SRGAP2: variants seen among roughly 807,000 people sequenced by gnomAD.
SRGAP2 encodes the protein SLIT-ROBO Rho GTPase activating protein 2, also known as SLIT-ROBO Rho GTPase-activating protein 2.
In SRGAP2, 15 loss-of-function variants were observed where a neutral mutation model predicts 57.2. That is an observed-to-expected ratio of 0.26 (90% CI 0.18 to 0.40). The LOEUF is 0.40. SRGAP2 is among the 10% of genes least tolerant of loss of function. SRGAP2 has a pLI of 1.00. For missense variants in SRGAP2, 520 were observed against 669.6 expected (o/e 0.78, Z 2.47); for synonymous variants, 249 against 248.0 (o/e 1.00, Z -0.04).
At chr1:206,222,693 T>A (rs1667074553) in intron 2 of SRGAP2, among the ~76,000 whole-genome samples, 1 of 150,794 alleles carries the variant, frequency 6.6e-6, no homozygotes, top group African/African-American at 2.4e-5. Context: ...ATGGAGGTAG[T>A]TTTTTGTAAT....
intron 19 of SRGAP2, among the ~76,000 whole-genome samples, chr1:206,451,157 A>T (rs559702218): frequency 6.6e-6 from 1 of 151,602 alleles, no homozygotes; most frequent in Admixed American, 6.6e-5. Context: ...TGGGGTGGGA[A>T]ATAGCAGAGC....
At chr1:206,232,152 G>A (rs1488822703) in intron 2 of SRGAP2, among the ~76,000 whole-genome samples, 15 of 152,060 alleles carry the variant, frequency 9.9e-5, no homozygotes, top group African/African-American at 2.7e-4. Flanking sequence ...CTGTGCTCCC[G>A]GGCTGGGGTG....
intron 3 of SRGAP2, among the ~76,000 whole-genome samples, chr1:206,319,886 G>T (rs1673349732): frequency 6.7e-6 from 1 of 150,200 alleles, no homozygotes; most frequent in African/African-American, 2.5e-5. Flanking sequence ...TCGGCTCACT[G>T]CAACCTCTGC....
At chr1:206,436,472 T>C (rs781838426) in intron 14 of SRGAP2, among the ~76,000 whole-genome samples, 26 of 152,026 alleles carry the variant, frequency 1.7e-4, no homozygotes, top group Non-Finnish European at 3.7e-4. Flanking sequence ...TACCTGAGCC[T>C]CCTGAGTAGC....
intron 4 of SRGAP2, among the ~76,000 whole-genome samples, chr1:206,373,692 G>T (rs868983935): frequency 1.5e-5 from 1 of 67,660 alleles, no homozygotes; most frequent in Non-Finnish European, 2.9e-5. Flanking sequence ...CCGAGATGGC[G>T]CCACTGCACT....
At chr1:206,253,526 C>T (rs1367907523) in intron 2 of SRGAP2, among the ~76,000 whole-genome samples, 1 of 151,500 alleles carries the variant, frequency 6.6e-6, no homozygotes, top group Non-Finnish European at 1.5e-5. Context: ...TTCCTCCCTC[C>T]CTCACTTCCT....
At chr1:206,425,903 A>G (rs1470165630) in intron 13 of SRGAP2, among the ~76,000 whole-genome samples, 1 of 145,216 alleles carries the variant, frequency 6.9e-6, no homozygotes, top group Non-Finnish European at 1.5e-5. Flanking sequence ...CTGGGGTGCA[A>G]TGGTGCAATC....
chr1:206,220,843 C>G (rs1244274909), intron 2 of SRGAP2, among the ~76,000 whole-genome samples: 1 of 152,074 alleles, frequency 6.6e-6, no homozygotes, highest in African/African-American at 2.4e-5. Context: ...TGTCCCCTCC[C>G]CTCCTCACTT....
At chr1:206,244,460 C>T (rs1459402789) in intron 2 of SRGAP2, among the ~76,000 whole-genome samples, 1 of 119,850 alleles carries the variant, frequency 8.3e-6, no homozygotes, top group Non-Finnish European at 1.7e-5. Flanking sequence ...GACGGGGTTT[C>T]ACCAGGTTGG....
At chr1:206,415,861 T>C in intron 10 of SRGAP2, 28 bp from the exon 11 acceptor site, 1 of 769,730 alleles carries the variant, frequency 1.3e-6, no homozygotes, top group Non-Finnish European at 2.4e-6. Flanking sequence ...GGAGTCTGAT[T>C]GCTCTTTTTC....
At chr1:206,365,942 G>T (rs1475327658) in intron 4 of SRGAP2, among the ~76,000 whole-genome samples, 1 of 151,860 alleles carries the variant, frequency 6.6e-6, no homozygotes, top group African/African-American at 2.4e-5. Context: ...CAGACTAGGA[G>T]AAAAAGGACA....
intron 17 of SRGAP2, among the ~76,000 whole-genome samples, chr1:206,442,552 C>T (rs6659598): frequency 0.018 from 2,673 of 152,224 alleles, 78 homozygotes; most frequent in African/African-American, 0.061. Flanking sequence ...AATAAGCATC[C>T]ATGCAGGGTT....
At chr1:206,433,604 C>G (rs1553368985) in intron 14 of SRGAP2, among the ~76,000 whole-genome samples, 1 of 151,186 alleles carries the variant, frequency 6.6e-6, no homozygotes, top group African/African-American at 2.4e-5. Context: ...CCACTGCACT[C>G]CAGCCTGAGT....
chr1:206,304,803 C>CTGAA (rs1240458904), intron 3 of SRGAP2, among the ~76,000 whole-genome samples: 2 of 148,238 alleles, frequency 1.3e-5, no homozygotes, highest in African/African-American at 5.0e-5. Flanking sequence ...GTCACCCAGG[C>CTGAA]TGAAGTACAA....
chr1:206,356,515 T>G (rs1163775140), intron 4 of SRGAP2, among the ~76,000 whole-genome samples: 2 of 152,220 alleles, frequency 1.3e-5, no homozygotes, highest in Non-Finnish European at 2.9e-5. Context: ...TCTGCAGTCA[T>G]ATGTTGCTGT....
intron 2 of SRGAP2, among the ~76,000 whole-genome samples, chr1:206,231,560 CAG>C (rs1176299880): frequency 6.0e-5 from 9 of 149,432 alleles, no homozygotes; most frequent in Admixed American, 6.0e-4. Flanking sequence ...TTTTTTTAGA[CAG>C]AGTCTTGTTC....
rs782652991 is a variant in SRGAP2 at position 206,430,125 on chromosome 1, G to C, written c.1495-37G>C. 3.8e-6 allele frequency: 3 copies of C among 780,418 alleles called. No homozygotes were observed. In the Admixed American group the frequency reaches 5.1e-5, roughly 13 times the overall value. The allele number at this position is 780,418 out of a possible 1,614,324, so 48.3% of individuals were successfully genotyped here. A position where few individuals can be genotyped will look rare whatever the true frequency, so the allele number is the denominator to read the frequency against. On this transcript the variant is annotated intron_variant, in intron 13 of 22. Coordinates refer to ENST00000573034, the MANE Select transcript of SRGAP2 (RefSeq NM_015326.5). ...CTCTGACCCTGGGCTATCCCTGTTT[G>C]AATATTCTAATGTTGTGTTTCCCTT...
At position 206,262,613 on chromosome 1, in the gene SRGAP2, G is replaced by A. The variant is rs1340131287; in HGVS notation, c.68-40668G>A. Among the ~76,000 whole-genome samples the A allele has an allele frequency of 7.7e-4, 115 of 148,860 alleles. 1 individual carries two copies. Among genetic ancestry groups the A allele is most frequent in the Admixed American group, 6.1e-3 (92 of 14,968 alleles). On this transcript the variant is annotated intron_variant, in intron 2 of 22. Coordinates refer to ENST00000573034, the MANE Select transcript of SRGAP2 (RefSeq NM_015326.5). ...GTTATCTCACTGTAAGAGACTGACT[G>A]GTGGAGATTAAAAAAAAAAAAAGCT... is the stretch of plus-strand genomic sequence containing the variant.
intron 2 of SRGAP2, among the ~76,000 whole-genome samples, chr1:206,267,834 A>G (rs1170133258): frequency 2.0e-5 from 3 of 150,690 alleles, no homozygotes; most frequent in Non-Finnish European, 4.4e-5. Context: ...AATGAAAGTA[A>G]GAATTTAGTG....
Sources: gnomAD v4.1 joint callset for allele counts (sites outside exome capture counted in the v4.1 genomes callset) on GRCh38, gnomAD v4.1.1 for gene constraint, MANE v1.5 for transcripts, NCBI Gene and HGNC (gene_info 2026-07-23, HGNC 2026-07-21) for gene names.